MMS22L: variants seen among roughly 807,000 people sequenced by gnomAD.
MMS22L encodes the protein MMS22 like, DNA repair protein.
A neutral mutation model predicts 159.1 loss-of-function variants in MMS22L; 74 were observed. The observed-to-expected ratio is 0.47, with a 90% CI of 0.39 to 0.56. The LOEUF is 0.56. Among genes scored for constraint, MMS22L ranks in the 20% least tolerant of loss-of-function variants. The pLI is 0.00. For synonymous variants in MMS22L, 517 were observed against 506.9 expected (o/e 1.02, Z -0.27); for missense variants, 1,351 against 1,422.1 (o/e 0.95, Z 0.80).
At chr6:97,268,067 T>A in intron 7 of MMS22L, 65 bp from the exon 8 acceptor site, 1 of 1,120,044 alleles carries the variant, frequency 8.9e-7, no homozygotes, top group Non-Finnish European at 1.2e-6. Flanking sequence ...AAAAAGTGAC[T>A]GTACATCTTT....
At chr6:97,158,621 TTGAG>T (rs1191678799) in intron 22 of MMS22L, among the ~76,000 whole-genome samples, 1 of 152,216 alleles carries the variant, frequency 6.6e-6, no homozygotes, top group African/African-American at 2.4e-5. Flanking sequence ...TTGTGCGGTT[TTGAG>T]TGAGTTTCTT....
upstream of MMS22L, among the ~76,000 whole-genome samples, chr6:97,283,839 G>A (rs1816994355): frequency 6.6e-6 from 1 of 152,106 alleles, no homozygotes; most frequent in African/African-American, 2.4e-5. Flanking sequence ...GATTTAAATC[G>A]TACAAAGTGT....
rs34856577 is a variant in MMS22L, at chr6:97,144,105, CAAAAAAAAA to C, written c.*2692_*2700del. ...CTCAAAACAACAACAACAACAACAA[CAAAAAAAAA>C]AAAAAAAAAAAAAAGAGAGAGAAAA... On this transcript the variant is annotated 3_prime_UTR_variant, in exon 25 of 25. Coordinates refer to ENST00000683635, the MANE Select transcript of MMS22L (RefSeq NM_001350599.2). 3 of 87,336 alleles carry C rather than the reference CAAAAAAAAA, an allele frequency of 3.4e-5. No homozygotes were observed. Among genetic ancestry groups the C allele is most frequent in the Admixed American group, 2.7e-4 (2 of 7,542 alleles). 5.4% of individuals were successfully genotyped at this position (87,336 alleles called of 1,614,324 possible). A position where few individuals can be genotyped will look rare whatever the true frequency, so the allele number is the denominator to read the frequency against.
intron 19 of MMS22L, 102 bp from the exon 20 acceptor site, chr6:97,168,342 T>A: frequency 1.0e-6 from 1 of 972,248 alleles, no homozygotes; most frequent in Non-Finnish European, 1.6e-6. Context: ...GGGACCAAAT[T>A]AAAGTAGGGA....
At chr6:97,274,227 A>T (rs1404992859) in intron 4 of MMS22L, among the ~76,000 whole-genome samples, 4 of 152,244 alleles carry the variant, frequency 2.6e-5, no homozygotes, top group Non-Finnish European at 5.9e-5. Flanking sequence ...ACTAAAGTTT[A>T]ATTCAAATGA....
chr6:97,216,140 A>C (rs1808991466), intron 14 of MMS22L, among the ~76,000 whole-genome samples: 1 of 152,232 alleles, frequency 6.6e-6, no homozygotes, highest in South Asian at 2.1e-4. Flanking sequence ...TGGTGGCAAC[A>C]GTAAATTCAT....
chr6:97,161,526 A>T (rs1173872827), intron 22 of MMS22L, among the ~76,000 whole-genome samples: 2 of 152,022 alleles, frequency 1.3e-5, no homozygotes, highest in Admixed American at 6.6e-5. Flanking sequence ...ATTTTAAAGC[A>T]ATCACTGGAA....
chr6:97,181,182 CAG>C (rs1381771736), intron 16 of MMS22L, among the ~76,000 whole-genome samples: 1 of 152,076 alleles, frequency 6.6e-6, no homozygotes, highest in African/African-American at 2.4e-5. Flanking sequence ...AAAAAATAAA[CAG>C]AGAAGTGGTC....
At chr6:97,193,951 C>T (rs984566873) in intron 14 of MMS22L, among the ~76,000 whole-genome samples, 13 of 151,914 alleles carry the variant, frequency 8.6e-5, no homozygotes, top group Admixed American at 2.6e-4. Flanking sequence ...TTAGTAGAGA[C>T]GGGGTTTCAC....
intron 11 of MMS22L, among the ~76,000 whole-genome samples, chr6:97,239,051 A>T (rs1002137403): frequency 2.0e-5 from 3 of 151,384 alleles, no homozygotes; most frequent in African/African-American, 7.3e-5. Context: ...ATTTATTCAC[A>T]GTCTAAACAG....
At position 97,281,294 on chromosome 6, in the gene MMS22L, T is replaced by C. The variant is rs1443315473; in HGVS notation, c.233A>G (p.Gln78Arg). The change falls in exon 3 of 25, where the codon CAG becomes CGG. Residue 78 changes from glutamine to arginine, a missense_variant. Transcript: ENST00000683635. ...CACTAATGCTGTTTCAGTAACCCAC[T>C]GAATGCCAAATATTTCCAAGGTATC... Reference protein sequence around the residue: ...EEDTLEIFGIQWVTETALVNS... With the variant: ...EEDTLEIFGIRWVTETALVNS... 1.2e-6 allele frequency: 2 copies of C among 1,610,958 alleles called. No homozygotes were observed. Among genetic ancestry groups the C allele is most frequent in the Non-Finnish European group, 1.7e-6 (2 of 1,178,702 alleles).
At chr6:97,179,325 TTAA>T in intron 17 of MMS22L, 80 bp downstream of exon 17, 1 of 1,182,788 alleles carries the variant, frequency 8.5e-7, no homozygotes, top group Non-Finnish European at 1.2e-6. Context: ...ATATTTTCTA[TTAA>T]TTACATAACA....
At position 97,149,900 on chromosome 6, in the gene MMS22L, C is replaced by T; in HGVS notation, c.3603G>A (p.Leu1201=). Residue 1201 remains leucine (L), a synonymous_variant, in exon 24 of 25, where the codon CTG becomes CTA. Coordinates refer to ENST00000683635, the MANE Select transcript of MMS22L (RefSeq NM_001350599.2). The stretch of plus-strand genomic sequence containing the variant: ...GGCCCCATTTCTGCTCTGAATCCTT[C>T]AGAGACTGAGTAAGGGTAGAAATCA... ...IHLISTLTQS[L]KDSEQKWGLG... is the part of the protein sequence containing the mutation. The T allele has an allele frequency of 6.2e-7, 1 of 1,613,582 alleles. No individual in the cohort carries two copies. The highest frequency in any genetic ancestry group is 8.5e-7 in the Non-Finnish European group (1 of 1,179,700).
intron 14 of MMS22L, among the ~76,000 whole-genome samples, chr6:97,228,491 T>C (rs1446732658): frequency 6.6e-6 from 1 of 152,186 alleles, no homozygotes; most frequent in African/African-American, 2.4e-5. Flanking sequence ...ATGGGATGGG[T>C]TGCAGTCAAA....
At chr6:97,236,024 T>C (rs545399230) in intron 11 of MMS22L, among the ~76,000 whole-genome samples, 1 of 152,132 alleles carries the variant, frequency 6.6e-6, no homozygotes, top group South Asian at 2.1e-4. Flanking sequence ...CGTATTAAAT[T>C]TTATGTCAAA....
At position 97,268,102 on chromosome 6, in the gene MMS22L, C is replaced by G. The variant is rs971856495; in HGVS notation, c.698-100G>C. ...TAAATTATAACAAAACTAAAACATA[C>G]AGTTTTTAATTTTTTTTTGCAAATA... is the stretch of plus-strand genomic sequence containing the variant. On this transcript the variant is annotated intron_variant, in intron 7 of 24. Transcript: ENST00000683635. 7.1e-6 allele frequency: 6 copies of G among 847,866 alleles called. No homozygotes were observed. The African/African-American group carries it at 8.8e-5, about 12-fold the overall frequency. The allele number at this position is 847,866 out of a possible 1,614,324, so 52.5% of individuals were successfully genotyped here. A position where few individuals can be genotyped will look rare whatever the true frequency, so the allele number is the denominator to read the frequency against.
At chr6:97,233,250 T>C (rs1456570797) in intron 12 of MMS22L, among the ~76,000 whole-genome samples, 2 of 152,156 alleles carry the variant, frequency 1.3e-5, no homozygotes, top group Non-Finnish European at 2.9e-5. Context: ...AATTCAGAAC[T>C]ATTTAACATG....
intron 15 of MMS22L, 48 bp from the exon 16 acceptor site, chr6:97,182,102 A>G (rs748925762): frequency 2.6e-6 from 4 of 1,529,312 alleles, no homozygotes; most frequent in East Asian, 4.5e-5. Context: ...TTTAAAAACC[A>G]TTTCTGACCC....
intron 6 of MMS22L, chr6:97,272,244 C>T (rs1449037612): frequency 1.3e-5 from 2 of 152,522 alleles, no homozygotes; most frequent in African/African-American, 4.8e-5. Context: ...ATCTTAATCA[C>T]ATTCCAAAAA....
Sources: gnomAD v4.1 joint callset for allele counts (sites outside exome capture counted in the v4.1 genomes callset) on GRCh38, gnomAD v4.1.1 for gene constraint, MANE v1.5 for transcripts, NCBI Gene and HGNC (gene_info 2026-07-23, HGNC 2026-07-21) for gene names.